MCU: variants seen among roughly 807,000 people sequenced by gnomAD.
MCU encodes the protein mitochondrial calcium uniporter.
A neutral mutation model predicts 45.2 loss-of-function variants in MCU; 12 were observed. The observed-to-expected ratio is 0.27, with a 90% CI of 0.17 to 0.43. The LOEUF (loss-of-function observed/expected upper bound fraction) is 0.43, where lower values mean the gene tolerates loss of function less well. MCU is among the 20% of genes least tolerant of loss of function. MCU has a pLI of 1.00. For synonymous variants in MCU, 160 were observed against 165.1 expected (o/e 0.97, Z 0.24); for missense variants, 324 against 436.7 (o/e 0.74, Z 2.30).
At chr10:72,693,402 G>C (rs1312355919) in intron 1 of MCU, among the ~76,000 whole-genome samples, 1 of 152,142 alleles carries the variant, frequency 6.6e-6, no homozygotes, top group Admixed American at 6.6e-5. Flanking sequence ...GTGATTATTG[G>C]AGGATCACTG....
At chr10:72,796,341 A>G (rs1844245697) in intron 1 of MCU, among the ~76,000 whole-genome samples, 1 of 152,122 alleles carries the variant, frequency 6.6e-6, no homozygotes, top group Non-Finnish European at 1.5e-5. Context: ...TGGGAGGCAG[A>G]GTCCAGGAAT....
chr10:72,795,469 A>G (rs1844228784), intron 1 of MCU, among the ~76,000 whole-genome samples: 1 of 152,234 alleles, frequency 6.6e-6, no homozygotes, highest in African/African-American at 2.4e-5. Flanking sequence ...AAAATTTGAA[A>G]TGTGTATATA....
At chr10:72,747,544 G>C (rs915865812) in intron 1 of MCU, among the ~76,000 whole-genome samples, 1 of 152,110 alleles carries the variant, frequency 6.6e-6, no homozygotes, top group Admixed American at 6.6e-5. Context: ...TAAAAACATA[G>C]AAATAGGTCA....
intron 1 of MCU, among the ~76,000 whole-genome samples, chr10:72,792,871 C>G (rs1844185077): frequency 6.6e-6 from 1 of 151,840 alleles, no homozygotes; most frequent in Non-Finnish European, 1.5e-5. Context: ...GATGATTACA[C>G]TGCCTTTCTT....
chr10:72,743,193 G>C (rs1434557143), intron 1 of MCU, among the ~76,000 whole-genome samples: 1 of 151,942 alleles, frequency 6.6e-6, no homozygotes, highest in Non-Finnish European at 1.5e-5. Flanking sequence ...TGGATTACCT[G>C]AGGTCAGGAG....
intron 1 of MCU, among the ~76,000 whole-genome samples, chr10:72,817,178 A>G (rs1210744832): frequency 6.6e-6 from 1 of 152,204 alleles, no homozygotes; most frequent in African/African-American, 2.4e-5. Context: ...ATATCTATGT[A>G]TATTTCAAGT....
intron 1 of MCU, among the ~76,000 whole-genome samples, chr10:72,810,181 G>C (rs752718377): frequency 1.3e-5 from 2 of 152,078 alleles, no homozygotes; most frequent in Non-Finnish European, 2.9e-5. Flanking sequence ...TTGCAAAGGA[G>C]TGGGGAGACT....
At chr10:72,770,836 G>T (rs561882787) in intron 1 of MCU, among the ~76,000 whole-genome samples, 3 of 152,056 alleles carry the variant, frequency 2.0e-5, no homozygotes, top group African/African-American at 7.2e-5. Flanking sequence ...TTTTTAAATA[G>T]TTAATATAGA....
rs1259979285 is a variant in MCU at position 72,887,282 on chromosome 10, G to T, written c.*1460G>T. On this transcript the variant is annotated 3_prime_UTR_variant, in exon 8 of 8. Coordinates refer to ENST00000373053, the MANE Select transcript of MCU (RefSeq NM_138357.3). ...ACCCAGACTCCAGGTGCCTTGCAAA[G>T]GTTGAAGGCCAGCCAGGATTGCTGC... The T allele has an allele frequency of 6.6e-6, 1 of 152,642 alleles. No homozygotes were observed. Among genetic ancestry groups the T allele is most frequent in the African/African-American group, 2.4e-5 (1 of 41,394 alleles). The allele number at this position is 152,642 out of a possible 1,614,324, so 9.5% of individuals were successfully genotyped here.
chr10:72,696,126 C>G (rs544967087), intron 1 of MCU, among the ~76,000 whole-genome samples: 110 of 135,614 alleles, frequency 8.1e-4, no homozygotes, highest in African/African-American at 3.0e-3. Flanking sequence ...CATGCCACTG[C>G]ACTCCAGCCT....
At chr10:72,839,343 ATTT>A (rs904443640) in intron 2 of MCU, among the ~76,000 whole-genome samples, 1 of 148,588 alleles carries the variant, frequency 6.7e-6, no homozygotes, top group African/African-American at 2.5e-5. Flanking sequence ...AGGGTAGCAA[ATTT>A]TTTTTTTTAA....
chr10:72,774,020 G>C lies in MCU; in HGVS notation c.151-60339G>C, dbSNP rs78250824. Reference sequence around the variant, plus strand: ...AAACATAAACCAACAAACCACTAACGTGCTAAAGGAAAACTTTTCAACATA... The same window carrying C: ...AAACATAAACCAACAAACCACTAACCTGCTAAAGGAAAACTTTTCAACATA... On this transcript the variant is annotated intron_variant, in intron 1 of 7. Transcript: ENST00000373053. 3.2e-3 allele frequency among the ~76,000 whole-genome samples: 480 copies of C among 152,098 alleles called. 2 individuals are homozygous for C. The highest frequency in any genetic ancestry group is 0.011 in the African/African-American group (461 of 41,494).
At chr10:72,861,640 C>T in intron 4 of MCU, 2 of 377,178 alleles carry the variant, frequency 5.3e-6, no homozygotes, top group South Asian at 4.1e-5. Flanking sequence ...AGCCACTATG[C>T]CCAGCCGCCA....
chr10:72,821,431 A>G (rs1844710479), intron 1 of MCU, among the ~76,000 whole-genome samples: 1 of 152,114 alleles, frequency 6.6e-6, no homozygotes, highest in African/African-American at 2.4e-5. Flanking sequence ...CTGGTTTAAA[A>G]ACCAATTGGT....
intron 2 of MCU, among the ~76,000 whole-genome samples, chr10:72,854,099 C>T (rs552499066): frequency 6.6e-6 from 1 of 152,066 alleles, no homozygotes; most frequent in African/African-American, 2.4e-5. Context: ...CACTGCACTC[C>T]AGCCTGGGTG....
chr10:72,764,810 T>TCTGGAA (rs1450367246), intron 1 of MCU, among the ~76,000 whole-genome samples: 4 of 152,140 alleles, frequency 2.6e-5, no homozygotes, highest in African/African-American at 9.7e-5. Flanking sequence ...AGAATAGGAT[T>TCTGGAA]TATCAGGGAA....
intron 1 of MCU, among the ~76,000 whole-genome samples, chr10:72,770,387 A>G (rs986696450): frequency 6.6e-6 from 1 of 152,066 alleles, no homozygotes; most frequent in African/African-American, 2.4e-5. Flanking sequence ...TAATTTACCA[A>G]AATCCACTTC....
intron 2 of MCU, among the ~76,000 whole-genome samples, chr10:72,855,917 C>T (rs912632126): frequency 2.6e-5 from 4 of 152,132 alleles, no homozygotes; most frequent in African/African-American, 7.2e-5. Flanking sequence ...ACTATGAAAA[C>T]ATGTCACACA....
intron 2 of MCU, among the ~76,000 whole-genome samples, chr10:72,848,183 G>T (rs188424415): frequency 6.6e-6 from 1 of 152,098 alleles, no homozygotes; most frequent in African/African-American, 2.4e-5. Flanking sequence ...TGCATTTTTT[G>T]ACTTACAGTG....
Sources: allele counts gnomAD v4.1 joint callset (sites outside exome capture counted in the v4.1 genomes callset), GRCh38; gene constraint gnomAD v4.1.1; transcripts MANE v1.5; gene names NCBI Gene and HGNC (gene_info 2026-07-23, HGNC 2026-07-21).